PAPPA2: variants seen among roughly 807,000 people sequenced by gnomAD.
PAPPA2 encodes pappalysin 2, also known as pappalysin-2.
Under a neutral mutation model 176.4 loss-of-function variants are expected in PAPPA2, and 86 were observed. The ratio of observed to expected loss-of-function variants is 0.49; its 90% CI spans 0.41 to 0.58. The LOEUF is 0.58. Ranked by LOEUF, PAPPA2 falls within the 20% of genes least tolerant of loss-of-function variation. The probability of loss-of-function intolerance (pLI) is 0.00; values close to 1 mark genes in which losing one functional copy is unlikely to be tolerated. For missense variants in PAPPA2, 2,073 were observed against 2,256.9 expected (o/e 0.92, Z 1.65); for synonymous variants, 809 against 852.2 (o/e 0.95, Z 0.88).
intron 14 of PAPPA2, among the ~76,000 whole-genome samples, chr1:176,753,645 G>A (rs541847167): frequency 2.1e-4 from 29 of 140,050 alleles, no homozygotes; most frequent in African/African-American, 7.6e-4. Flanking sequence ...TTATCATAAG[G>A]TTTCCTTTTA....
Position 176,556,208 on chromosome 1 carries a change from C to A in PAPPA2, c.-115C>A. The A allele has an allele frequency of 7.9e-7, 1 of 1,261,732 alleles. No homozygotes were observed. Among genetic ancestry groups the A allele is most frequent in the South Asian group, 1.4e-5 (1 of 69,072 alleles). The allele number at this position is 1,261,732 out of a possible 1,614,324, so 78.2% of individuals were successfully genotyped here. The stretch of plus-strand genomic sequence containing the variant: ...GAAAAAGTTTGGTCTGTGAACAAAA[C>A]AGTTTCCCTGGTGACTGCAAATCCA... On this transcript the variant is annotated 5_prime_UTR_variant, in exon 2 of 23. Transcript: ENST00000367662.
intron 1 of PAPPA2, among the ~76,000 whole-genome samples, chr1:176,468,080 C>T (rs1651708580): frequency 2.0e-5 from 3 of 152,270 alleles, no homozygotes; most frequent in Middle Eastern, 3.4e-3. Flanking sequence ...TATTTCAAAA[C>T]TCCATTTATC....
At chr1:176,746,810 A>T (rs564116654) in intron 14 of PAPPA2, among the ~76,000 whole-genome samples, 1 of 152,314 alleles carries the variant, frequency 6.6e-6, no homozygotes, top group South Asian at 2.1e-4. Flanking sequence ...TGAATAAGAT[A>T]TTAATCTTTT....
At chr1:176,654,847 G>A (rs12145259) in intron 3 of PAPPA2, among the ~76,000 whole-genome samples, 5,727 of 151,708 alleles carry the variant, frequency 0.038, 157 homozygotes, top group Middle Eastern at 0.099. Context: ...CATTGGGATT[G>A]CCTTCTTAAT....
At chr1:176,563,678 T>C (rs1310444118) in intron 2 of PAPPA2, among the ~76,000 whole-genome samples, 2 of 152,204 alleles carry the variant, frequency 1.3e-5, no homozygotes, top group East Asian at 1.9e-4. Flanking sequence ...TCAGTGTGAA[T>C]AGAGATCAGC....
intron 2 of PAPPA2, among the ~76,000 whole-genome samples, chr1:176,585,877 T>A (rs1470807994): frequency 6.6e-6 from 1 of 152,152 alleles, no homozygotes; most frequent in Admixed American, 6.5e-5. Context: ...ATTCAAATAA[T>A]GAATTTTTTT....
chr1:176,598,273 T>A (rs1265744960), intron 3 of PAPPA2, among the ~76,000 whole-genome samples: 1 of 152,122 alleles, frequency 6.6e-6, no homozygotes, highest in African/African-American at 2.4e-5. Flanking sequence ...CACCTGTTTT[T>A]TTTTCTGGTA....
At chr1:176,650,146 T>A (rs1360038466) in intron 3 of PAPPA2, among the ~76,000 whole-genome samples, 1 of 151,604 alleles carries the variant, frequency 6.6e-6, no homozygotes, top group Non-Finnish European at 1.5e-5. Flanking sequence ...CATTATATGG[T>A]AACCTTCTTT....
chr1:176,497,518 T>A (rs1388321634), intron 1 of PAPPA2, among the ~76,000 whole-genome samples: 1 of 152,236 alleles, frequency 6.6e-6, no homozygotes, highest in African/African-American at 2.4e-5. Flanking sequence ...CCAAGGGGGA[T>A]CTTTTTCAAA....
intron 15 of PAPPA2, among the ~76,000 whole-genome samples, chr1:176,768,404 T>C (rs923320880): frequency 4.6e-5 from 7 of 152,214 alleles, no homozygotes; most frequent in African/African-American, 1.7e-4. Context: ...CAATATGGCT[T>C]TATTGTTGCA....
chr1:176,795,777 A>C (rs1035704814), intron 20 of PAPPA2, among the ~76,000 whole-genome samples: 1 of 152,206 alleles, frequency 6.6e-6, no homozygotes, highest in Non-Finnish European at 1.5e-5. Flanking sequence ...GGTCCAAATA[A>C]ATGAGATTTT....
chr1:176,563,270 T>C (rs761202931), intron 2 of PAPPA2, among the ~76,000 whole-genome samples: 62 of 152,302 alleles, frequency 4.1e-4, no homozygotes, highest in African/African-American at 1.1e-3. Context: ...TGCTGCCTAC[T>C]GAGGTGTCTT....
intron 3 of PAPPA2, among the ~76,000 whole-genome samples, chr1:176,607,950 T>A (rs1308241631): frequency 6.6e-6 from 1 of 152,218 alleles, no homozygotes; most frequent in East Asian, 1.9e-4. Context: ...GTTAAAGTGA[T>A]GGATACATGA....
At chr1:176,600,823 G>C (rs989245918) in intron 3 of PAPPA2, among the ~76,000 whole-genome samples, 4 of 152,144 alleles carry the variant, frequency 2.6e-5, no homozygotes, top group Non-Finnish European at 5.9e-5. Context: ...ACTCACAGTG[G>C]AAGCACCTTC....
chr1:176,771,308 T>C lies in PAPPA2; in HGVS notation c.4715+128T>C. The C allele has an allele frequency of 1.5e-5, 13 of 849,724 alleles. No homozygotes were observed. The South Asian group carries it at 2.1e-4, about 14-fold the overall frequency. The allele number at this position is 849,724 out of a possible 1,614,324, so 52.6% of individuals were successfully genotyped here. ...GTCATGACAGGCAGGCAACCTGCTG[T>C]GCTTTCTGTAAATATATTCTCTCCA... On this transcript the variant is annotated intron_variant, in intron 17 of 22. Transcript: ENST00000367662.
chr1:176,743,302 AT>A (rs1426789101), intron 14 of PAPPA2, among the ~76,000 whole-genome samples: 1 of 152,152 alleles, frequency 6.6e-6, no homozygotes, highest in Non-Finnish European at 1.5e-5. Flanking sequence ...TTCTTTCTTC[AT>A]TCCCTGGTTC....
rs1468371812 is a variant in PAPPA2, at chr1:176,789,966, G to A, written c.4873G>A (p.Glu1625Lys). 4 of 1,614,026 alleles carry A rather than the reference G, an allele frequency of 2.5e-6. No individual in the cohort carries two copies. The highest frequency in any genetic ancestry group is 3.4e-6 in the Non-Finnish European group (4 of 1,179,958). The part of the protein sequence containing the change: ...DSQCVLNCNQ[E>K]REKLPILCTK... ...CCAGTGTGTGCTCAACTGTAACCAG[G>A]AACGTGAAAAGGTAAGGAACATTTT... The change falls in exon 18 of 23, where the codon GAA becomes AAA. Residue 1625 changes from glutamate to lysine, a missense_variant. Coordinates refer to ENST00000367662, the MANE Select transcript of PAPPA2 (RefSeq NM_020318.3).
intron 2 of PAPPA2, among the ~76,000 whole-genome samples, chr1:176,559,995 A>G (rs1237874030): frequency 6.6e-6 from 1 of 152,188 alleles, no homozygotes; most frequent in African/African-American, 2.4e-5. Flanking sequence ...TTCTACACGG[A>G]ACACTAGGTG....
intron 3 of PAPPA2, among the ~76,000 whole-genome samples, chr1:176,614,567 G>A (rs1655103460): frequency 1.3e-5 from 2 of 152,086 alleles, no homozygotes; most frequent in South Asian, 4.2e-4. Flanking sequence ...TGACTAAGCA[G>A]GGTTTCAAGT....
Sources: gnomAD v4.1 joint callset for allele counts (sites outside exome capture counted in the v4.1 genomes callset) on GRCh38, gnomAD v4.1.1 for gene constraint, MANE v1.5 for transcripts, NCBI Gene and HGNC (gene_info 2026-07-23, HGNC 2026-07-21) for gene names.